C8orf76: variants seen among roughly 807,000 people sequenced by gnomAD.
The protein encoded by C8orf76 is uncharacterized protein C8orf76.
C8orf76 carries 46 observed loss-of-function variants against 38.1 expected under a neutral mutation model. The ratio of observed to expected loss-of-function variants is 1.21; its 90% confidence interval spans 0.95 to 1.54. C8orf76 has a LOEUF of 1.54. Ranked by LOEUF, C8orf76 falls within the 40% of genes most tolerant of loss-of-function variation. The pLI, the probability that C8orf76 is intolerant of heterozygous loss-of-function variation, is 0.00. For synonymous variants in C8orf76, 166 were observed against 167.5 expected (o/e 0.99, Z 0.07); for missense variants, 461 against 441.6 (o/e 1.04, Z -0.39).
At chr8:123,238,804 G>A in intron 2 of C8orf76, 1 of 415,000 alleles carries the variant, frequency 2.4e-6, no homozygotes, top group Non-Finnish European at 4.4e-6. Flanking sequence ...TCAGAACCTT[G>A]AGGAATAAAC....
intron 5 of C8orf76, among the ~76,000 whole-genome samples, chr8:123,224,812 T>C (rs911334543): frequency 3.3e-5 from 5 of 152,200 alleles, no homozygotes; most frequent in Non-Finnish European, 7.3e-5. Context: ...TACTATTACT[T>C]ATAAGGAACC....
In C8orf76 at chr8:123,226,570, G is replaced by A; in HGVS notation, c.878C>T (p.Thr293Ile). Residue 293 changes from threonine to isoleucine, a missense_variant, in exon 5 of 6, where the codon ACT becomes ATT. Coordinates refer to ENST00000276704, the MANE Select transcript of C8orf76 (RefSeq NM_032847.3). ...CATTTTATCTTCAATTTCCTGCTGA[G>A]TCCTTAAGTTCCTCTCCAAAGCAAA... is the stretch of plus-strand genomic sequence containing the variant. ...TSFALERNLRTQQEIEDKMKG... is the reference protein window; with the variant it reads ...TSFALERNLRIQQEIEDKMKG... 1.2e-6 allele frequency: 2 copies of A among 1,613,204 alleles called. No individual in the cohort carries two copies. Among genetic ancestry groups the A allele is most frequent in the South Asian group, 1.1e-5 (1 of 90,830 alleles).
Position 123,241,249 on chromosome 8 carries a change from G to A in C8orf76, c.98C>T (p.Ala33Val), listed in dbSNP as rs772002284. ...TCTCACCTGCGGCTCGCAGAGCTTG[G>A]CGCAGTAGGACGCGGGCGGTCCTGA... Reference protein sequence around the residue: ...RRSGPPASYCAKLCEPQWFYE... With the variant: ...RRSGPPASYCVKLCEPQWFYE... The change falls in exon 1 of 6, where the codon GCC becomes GTC. Residue 33 changes from alanine (A) to valine (V), a missense_variant. By Grantham distance (64) the Ala-to-Val change is moderately conservative. Coordinates refer to ENST00000276704, the MANE Select transcript of C8orf76 (RefSeq NM_032847.3). The A allele has an allele frequency of 6.3e-7, 1 of 1,590,220 alleles. No individual in the cohort carries two copies. Among genetic ancestry groups the A allele is most frequent in the South Asian group, 1.1e-5 (1 of 90,038 alleles).
intron 4 of C8orf76, among the ~76,000 whole-genome samples, chr8:123,228,240 C>T (rs1586802804): frequency 6.6e-6 from 1 of 152,102 alleles, no homozygotes; most frequent in East Asian, 1.9e-4. Flanking sequence ...TAGGTCAGGC[C>T]CTCATCATCT....
rs760585026 is a variant in C8orf76, at chr8:123,226,552, T to C, written c.896A>G (p.Asp299Gly). 11 of 1,613,760 alleles carry C rather than the reference T, an allele frequency of 6.8e-6. No homozygotes were observed. The change falls in exon 5 of 6, where the codon GAT (aspartate) becomes GGT (glycine). Residue 299 changes from aspartate (D) to glycine (G), a missense_variant. Transcript: ENST00000276704. Reference protein sequence around the residue: ...RNLRTQQEIEDKMKGFSFKED... With the variant: ...RNLRTQQEIEGKMKGFSFKED... ...TTTGAAGCTGAACCCTTTCATTTTA[T>C]CTTCAATTTCCTGCTGAGTCCTTAA... is the stretch of plus-strand genomic sequence containing the variant.
Position 123,239,000 on chromosome 8 carries a change from T to C in C8orf76, c.213+49A>G, listed in dbSNP as rs564921490. ...GGTACACTGTTATTTACATATGCCA[T>C]AACTGATAAAACAAGAGCCCACTTC... On this transcript the variant is annotated intron_variant, in intron 2 of 5. Transcript: ENST00000276704. 2.5e-6 allele frequency: 4 copies of C among 1,575,166 alleles called. No homozygotes were observed. In the East Asian group the frequency reaches 9.0e-5, roughly 35 times the overall value.
chr8:123,220,178 C>T lies in C8orf76; in HGVS notation c.1068G>A (p.Lys356=). The stretch of plus-strand genomic sequence containing the variant: ...AATGGTCTTTGATCTTTCTGAACCA[C>T]TTGTCTTCAAATTCTTCTGAGGATA... ...VTVSSEEFED[K]WFRKIKDHFC... Residue 356 remains lysine (K), a synonymous_variant, in exon 6 of 6, where the codon AAG becomes AAA. Transcript: ENST00000276704. The T allele has an allele frequency of 6.2e-7, 1 of 1,614,032 alleles. No homozygotes were observed. The highest frequency in any genetic ancestry group is 8.5e-7 in the Non-Finnish European group (1 of 1,179,934).
At chr8:123,237,985 T>G in intron 2 of C8orf76, 44 bp from the exon 3 acceptor site, 1 of 1,582,576 alleles carries the variant, frequency 6.3e-7, no homozygotes, top group Non-Finnish European at 8.6e-7. Context: ...GAGGAAAACA[T>G]AACAGAAAAA....
chr8:123,225,236 ACCTCAAGTGATCCACCCACCTTGGCC>A, intron 5 of C8orf76, among the ~76,000 whole-genome samples: 1 of 152,240 alleles, frequency 6.6e-6, no homozygotes, highest in East Asian at 1.9e-4. Flanking sequence ...TGAGCTCCTG[ACCTCAAGTGATCCACCCACCTTGGCC>A]TCCCAAAGTG....
intron 5 of C8orf76, among the ~76,000 whole-genome samples, chr8:123,225,728 A>G (rs1825022592): frequency 6.6e-6 from 1 of 152,082 alleles, no homozygotes; most frequent in African/African-American, 2.4e-5. Flanking sequence ...GGAGTTCAAG[A>G]CAGACTGGCC....
intron 2 of C8orf76, among the ~76,000 whole-genome samples, chr8:123,238,301 T>G (rs1410177706): frequency 1.3e-5 from 2 of 152,322 alleles, no homozygotes; most frequent in South Asian, 2.1e-4. Context: ...ACACTCTCTT[T>G]GCCTGCCGCC....
chr8:123,224,659 A>G (rs1234759612), intron 5 of C8orf76, among the ~76,000 whole-genome samples: 1 of 152,226 alleles, frequency 6.6e-6, no homozygotes. Flanking sequence ...CCTAATTACA[A>G]TCCTAACGAG....
At position 123,237,905 on chromosome 8, in the gene C8orf76, A is replaced by T; in HGVS notation, c.250T>A (p.Leu84Met). ...TTCATGGCAAAATTGGTTGATGACAATTTTTCAGAGATACTGGAATACTCC... is the reference window on the plus strand; with the variant it reads ...TTCATGGCAAAATTGGTTGATGACATTTTTTCAGAGATACTGGAATACTCC... ...LQEYSSISEKLSSTNFAMKRD... is the reference protein window; with the variant it reads ...LQEYSSISEKMSSTNFAMKRD... Residue 84 changes from leucine (L) to methionine (M), a missense_variant, in exon 3 of 6, where the codon TTG (leucine) becomes ATG (methionine). By Grantham distance (15) the Leu-to-Met change is conservative. Coordinates refer to ENST00000276704, the MANE Select transcript of C8orf76 (RefSeq NM_032847.3). The T allele has an allele frequency of 6.2e-7, 1 of 1,613,888 alleles. No homozygotes were observed. Among genetic ancestry groups the T allele is most frequent in the Non-Finnish European group, 8.5e-7 (1 of 1,179,944 alleles).
intron 4 of C8orf76, among the ~76,000 whole-genome samples, chr8:123,226,984 G>A (rs370980068): frequency 1.3e-5 from 2 of 152,300 alleles, no homozygotes; most frequent in South Asian, 4.1e-4. Context: ...TGAAAGGAAC[G>A]AGCCTCCCAA....
chr8:123,232,410 A>C (rs6996427), intron 3 of C8orf76, among the ~76,000 whole-genome samples: 17,762 of 152,218 alleles, frequency 0.12, 3,144 homozygotes, highest in African/African-American at 0.39. Context: ...ACCAGCGCCA[A>C]CATCTCTTGC....
chr8:123,221,221 C>T (rs992261912), intron 5 of C8orf76, among the ~76,000 whole-genome samples: 1 of 152,198 alleles, frequency 6.6e-6, no homozygotes, highest in African/African-American at 2.4e-5. Flanking sequence ...CACTAGGCAA[C>T]AGTCAGTATT....
chr8:123,224,210 T>C (rs1824963157), intron 5 of C8orf76, among the ~76,000 whole-genome samples: 1 of 152,184 alleles, frequency 6.6e-6, no homozygotes, highest in African/African-American at 2.4e-5. Context: ...TAGACCTTAT[T>C]TGGATCCTAA....
intron 1 of C8orf76, chr8:123,240,119 TG>T (rs1158843124): frequency 6.5e-6 from 1 of 152,788 alleles, no homozygotes. Flanking sequence ...ACGATAACTC[TG>T]TGAGCCAGCA....
At position 123,241,365 on chromosome 8, in the gene C8orf76, G is replaced by GCAACGAGGAAGCGGGGC. The variant is rs748074864; in HGVS notation, c.-20_-19insGCCCCGCTTCCTCGTTG. 2.7e-5 allele frequency: 42 copies of GCAACGAGGAAGCGGGGC among 1,542,946 alleles called. No individual in the cohort carries two copies. Among genetic ancestry groups the GCAACGAGGAAGCGGGGC allele is most frequent in the Non-Finnish European group, 3.3e-5 (38 of 1,154,390 alleles). On this transcript the variant is annotated 5_prime_UTR_variant, in exon 1 of 6. Coordinates refer to ENST00000276704, the MANE Select transcript of C8orf76 (RefSeq NM_032847.3). The stretch of plus-strand genomic sequence containing the variant: ...AATCCATCTCGCGCCCGCGGCGGGG[G>GCAACGAGGAAGCGGGGC]CAACGAGGAAGCGGGGCCCGCCGGA...
Sources: allele counts gnomAD v4.1 joint callset (sites outside exome capture counted in the v4.1 genomes callset), GRCh38; gene constraint gnomAD v4.1.1; transcripts MANE v1.5; gene names NCBI Gene and HGNC (gene_info 2026-07-23, HGNC 2026-07-21).